The following ADAMTS13 variants were observed in gnomAD, a reference collection of about 807,000 sequenced individuals.
ADAMTS13 encodes the protein A disintegrin and metalloproteinase with thrombospondin motifs 13.
Under a neutral mutation model 155.1 loss-of-function variants are expected in ADAMTS13, and 110 were observed. The observed-to-expected ratio is 0.71, with a 90% confidence interval of 0.61 to 0.83. ADAMTS13 has a LOEUF of 0.83. ADAMTS13 is among the 40% of genes least tolerant of loss of function. The pLI is 0.00. For synonymous variants in ADAMTS13, 758 were observed against 756.4 expected (o/e 1.00, Z -0.03); for missense variants, 1,707 against 1,891.7 (o/e 0.90, Z 1.81).
At chr9:133,417,589 A>G, upstream of ADAMTS13, 2 of 1,605,358 alleles carry the variant, frequency 1.2e-6, no homozygotes, top group Middle Eastern at 1.7e-4. Flanking sequence ...TGAGCTGCGC[A>G]GCGCTCCGCC....
chr9:133,459,194 T>C lies in ADAMTS13; in HGVS notation c.*14T>C, dbSNP rs1415719289. The C allele has an allele frequency of 3.1e-6, 5 of 1,597,622 alleles. No individual in the cohort carries two copies. The African/African-American group carries it at 6.7e-5, about 21-fold the overall frequency. On this transcript the variant is annotated 3_prime_UTR_variant, in exon 29 of 29. Coordinates refer to ENST00000355699, the MANE Select transcript of ADAMTS13 (RefSeq NM_139027.6). ...GAAGGAACCTGAGGGTCATTGAACATTTGTTCCGTGTCTGGCCAGCCCTGG... is the reference window on the plus strand; with the variant it reads ...GAAGGAACCTGAGGGTCATTGAACACTTGTTCCGTGTCTGGCCAGCCCTGG...
Position 133,422,415 on chromosome 9 carries a change from C to A in ADAMTS13, c.-29C>A, listed in dbSNP as rs958104571. On this transcript the variant is annotated 5_prime_UTR_variant, in exon 1 of 29. Transcript: ENST00000355699. ...GTCACCAAGGCCCCCTCTCACTCCG[C>A]TCCACTCCTCGGGCTGGCTCTCCTG... 2 of 1,604,346 alleles carry A rather than the reference C, an allele frequency of 1.2e-6. No individual in the cohort carries two copies. The highest frequency in any genetic ancestry group is 2.7e-5 in the African/African-American group (2 of 74,816).
rs1841984085 is a variant in ADAMTS13 at position 133,445,323 on chromosome 9, G to A, written c.2610+271G>A. Among the ~76,000 whole-genome samples, 3 of 152,236 alleles carry A rather than the reference G, an allele frequency of 2.0e-5. No individual in the cohort carries two copies. Among genetic ancestry groups the A allele is most frequent in the Non-Finnish European group, 4.4e-5 (3 of 68,030 alleles). Reference sequence around the variant, plus strand: ...GCTGCTGTGCAGAGAAATGCTGCCAGGCTCCCGCCTGGCGTCCAGGGGCTG... The same window carrying A: ...GCTGCTGTGCAGAGAAATGCTGCCAAGCTCCCGCCTGGCGTCCAGGGGCTG... On this transcript the variant is annotated intron_variant, in intron 20 of 28. Coordinates refer to ENST00000355699, the MANE Select transcript of ADAMTS13 (RefSeq NM_139027.6). The surrounding 1 kb of genome is among the most constrained non-coding windows in gnomAD (Gnocchi z 5.0).
At chr9:133,433,883 G>A (rs1840979031) in intron 11 of ADAMTS13, among the ~76,000 whole-genome samples, 179 bp downstream of exon 11, 1 of 152,096 alleles carries the variant, frequency 6.6e-6, no homozygotes, top group African/African-American at 2.4e-5. Flanking sequence ...ATCACCTGAG[G>A]TCAGGGGTTC....
intron 6 of ADAMTS13, among the ~76,000 whole-genome samples, chr9:133,428,409 T>C (rs1840426215): frequency 6.6e-6 from 1 of 152,218 alleles, no homozygotes; most frequent in South Asian, 2.1e-4. Flanking sequence ...GCCACCCTGC[T>C]GGGCTAGCGC....
intron 22 of ADAMTS13, 56 bp downstream of exon 22, chr9:133,448,784 G>A (rs1260893261): frequency 1.1e-5 from 18 of 1,578,044 alleles, no homozygotes; most frequent in African/African-American, 1.3e-5. Flanking sequence ...TGGGAGACCC[G>A]AGCCTTGGCT....
At position 133,448,660 on chromosome 9, in the gene ADAMTS13, G is replaced by A. The variant is rs782380295; in HGVS notation, c.2793G>A (p.Glu931=). 4 of 1,608,522 alleles carry A rather than the reference G, an allele frequency of 2.5e-6. No homozygotes were observed. The highest frequency in any genetic ancestry group is 2.2e-5 in the East Asian group (1 of 44,888). ...CCCTCAGGGTGCCTGTCCAGGAAGA[G>A]CTGTGTGGCCTGGCAAGCAAGCCTG... ...DSALRVPVQE[E]LCGLASKPGS... is the part of the protein sequence containing the mutation. The change falls in exon 22 of 29, where the codon GAG becomes GAA. Residue 931 remains glutamate, a synonymous_variant. Coordinates refer to ENST00000355699, the MANE Select transcript of ADAMTS13 (RefSeq NM_139027.6).
rs1347075335 is a variant in ADAMTS13, at chr9:133,441,323, A to C, written c.1968+798A>C. The stretch of plus-strand genomic sequence containing the variant: ...CAAAGCAAGCCCCTGTGAGCGGCTT[A>C]TCCCTTCTCTTCCCCTGATATGGTT... On this transcript the variant is annotated intron_variant, in intron 16 of 28. Coordinates refer to ENST00000355699, the MANE Select transcript of ADAMTS13 (RefSeq NM_139027.6). This position sits in a 1 kb window ranked among gnomAD's most constrained non-coding sequence, Gnocchi z 5.0. Among the ~76,000 whole-genome samples, 1 of 152,170 alleles carries C rather than the reference A, an allele frequency of 6.6e-6. No individual in the cohort carries two copies. Among genetic ancestry groups the C allele is most frequent in the Non-Finnish European group, 1.5e-5 (1 of 68,022 alleles).
At chr9:133,432,019 T>C (rs1338308743) in intron 8 of ADAMTS13, among the ~76,000 whole-genome samples, 5 of 145,220 alleles carry the variant, frequency 3.4e-5, no homozygotes, top group Non-Finnish European at 7.8e-5. Context: ...ATCCCAGCAC[T>C]TTGGGAAGCC....
chr9:133,446,287 A>C (rs1329232413), intron 21 of ADAMTS13, among the ~76,000 whole-genome samples: 1 of 152,186 alleles, frequency 6.6e-6, no homozygotes, highest in Non-Finnish European at 1.5e-5. Flanking sequence ...ACCTCTCCAG[A>C]ACTTTTCCAG....
intron 1 of ADAMTS13, among the ~76,000 whole-genome samples, chr9:133,415,484 A>G (rs1054517791): frequency 2.6e-5 from 4 of 151,958 alleles, no homozygotes; most frequent in African/African-American, 4.8e-5. Flanking sequence ...GGTGTCATAA[A>G]TGAAAAGAAA....
At chr9:133,420,998 G>C (rs1839930378), upstream of ADAMTS13, among the ~76,000 whole-genome samples, 1 of 152,226 alleles carries the variant, frequency 6.6e-6, no homozygotes, top group Non-Finnish European at 1.5e-5. Context: ...GGGCTTGGTG[G>C]CTCATGCCTG....
At chr9:133,443,590 G>A in intron 19 of ADAMTS13, 29 bp downstream of exon 19, 1 of 1,520,316 alleles carries the variant, frequency 6.6e-7, no homozygotes, top group Non-Finnish European at 8.8e-7. Flanking sequence ...GGGGCTGGGA[G>A]AGGGCCTTCC....
intron 22 of ADAMTS13, among the ~76,000 whole-genome samples, chr9:133,449,288 C>T (rs902217220): frequency 1.3e-5 from 2 of 152,066 alleles, no homozygotes; most frequent in Admixed American, 6.6e-5. Flanking sequence ...CTAGGGGACA[C>T]AGCAGAGAAC....
In ADAMTS13 at chr9:133,458,090, T is replaced by C. The variant is rs1588213116; in HGVS notation, c.3905T>C (p.Ile1302Thr). ...AGTEGANASY[I>T]LIRDTHSLRT... is the part of the protein sequence containing the mutation. ...ACCGAGGGAGCCAATGCCAGCTACA[T>C]CTTGGTGAGGCCCAGCATGGGGACT... is the stretch of plus-strand genomic sequence containing the variant. The change falls in exon 28 of 29, where the codon ATC becomes ACC. Residue 1302 changes from isoleucine to threonine, a missense_variant. This residue lies in a region of ADAMTS13 where 961 missense variants were observed against 1,107.9 expected (regional missense o/e 0.87). Coordinates refer to ENST00000355699, the MANE Select transcript of ADAMTS13 (RefSeq NM_139027.6). 6.2e-7 allele frequency: 1 copy of C among 1,613,234 alleles called. No homozygotes were observed.
rs1036370158 is a variant in ADAMTS13 at position 133,424,572 on chromosome 9, G to A, written c.330+94G>A. 1 of 1,535,004 alleles carries A rather than the reference G, an allele frequency of 6.5e-7. No individual in the cohort carries two copies. The highest frequency in any genetic ancestry group is 8.8e-7 in the Non-Finnish European group (1 of 1,134,426). ...TGTATCTGGTAGTCTGAATACAGTGGGTTAAACTCAGGTAGAATGGCTCGG... is the reference window on the plus strand; with the variant it reads ...TGTATCTGGTAGTCTGAATACAGTGAGTTAAACTCAGGTAGAATGGCTCGG... On this transcript the variant is annotated intron_variant, in intron 3 of 28. Coordinates refer to ENST00000355699, the MANE Select transcript of ADAMTS13 (RefSeq NM_139027.6). The surrounding 1 kb of genome is among the most constrained non-coding windows in gnomAD (Gnocchi z 4.3).
At chr9:133,434,026 G>T (rs1554788316) in intron 11 of ADAMTS13, among the ~76,000 whole-genome samples, 1 of 151,904 alleles carries the variant, frequency 6.6e-6, no homozygotes, top group Non-Finnish European at 1.5e-5. Flanking sequence ...AACCCAGGAG[G>T]TAGAGCTTGC....
intron 14 of ADAMTS13, 72 bp from the exon 15 acceptor site, chr9:133,439,294 A>C: frequency 2.5e-6 from 3 of 1,220,350 alleles, no homozygotes; most frequent in Non-Finnish European, 3.7e-6. Context: ...CGACCAGCTA[A>C]GATCAGCTCC....
rs782395051 is a variant in ADAMTS13, at chr9:133,440,526, G to T, written c.1968+1G>T. The stretch of plus-strand genomic sequence containing the variant: ...CCTCCAGGAAGATGCTGACATCCAG[G>T]TCAGCAGGAGAGCCTGGGGGAGGCC... On this transcript the variant is annotated splice_donor_variant, in intron 16 of 28. Transcript: ENST00000355699. LOFTEE classifies it high-confidence loss of function. The surrounding 1 kb of genome is among the most constrained non-coding windows in gnomAD (Gnocchi z 4.3). 5 of 1,599,430 alleles carry T rather than the reference G, an allele frequency of 3.1e-6. No homozygotes were observed. The highest frequency in any genetic ancestry group is 2.2e-5 in the South Asian group (2 of 89,946).
Sources: allele counts gnomAD v4.1 joint callset (sites outside exome capture counted in the v4.1 genomes callset), GRCh38; gene constraint gnomAD v4.1.1; regional missense constraint gnomAD v4.1.1; non-coding constraint Gnocchi (gnomAD v3.1); transcripts MANE v1.5; gene names NCBI Gene and HGNC (gene_info 2026-07-23, HGNC 2026-07-21).